The following PHF24 variants were observed in gnomAD, a reference collection of about 807,000 sequenced individuals.
PHF24 encodes the protein PHD finger protein 24.
A neutral mutation model predicts 42.6 loss-of-function variants in PHF24; 25 were observed. The observed-to-expected ratio is 0.59, with a 90% CI of 0.43 to 0.82. The LOEUF (loss-of-function observed/expected upper bound fraction) is 0.82, where lower values mean the gene tolerates loss of function less well. PHF24 is among the 40% of genes least tolerant of loss of function. PHF24 has a pLI of 0.00. For missense variants in PHF24, 470 were observed against 538.1 expected, an observed-to-expected ratio of 0.87 and a Z score of 1.25; for synonymous variants, 185 against 204.8, an observed-to-expected ratio of 0.90 and a Z score of 0.83.
At chr9:34,796,266 A>G in the PHF24 span, among the ~76,000 whole-genome samples, 1 of 152,114 alleles carries the variant, frequency 6.6e-6, no homozygotes, top group East Asian at 1.9e-4. Flanking sequence ...ATATAAAACT[A>G]TAAAACTTTT....
At chr9:34,840,164 A>G in the PHF24 span, among the ~76,000 whole-genome samples, 2 of 152,138 alleles carry the variant, frequency 1.3e-5, no homozygotes, top group East Asian at 3.9e-4. Flanking sequence ...ACTTAGATTA[A>G]TTGATTTTTT....
chr9:34,843,590 T>C, the PHF24 span, among the ~76,000 whole-genome samples: 1 of 152,230 alleles, frequency 6.6e-6, no homozygotes, highest in South Asian at 2.1e-4. Context: ...CGTTTTTCAA[T>C]TTCTGTAGTG....
chr9:34,915,788 T>G, the PHF24 span, among the ~76,000 whole-genome samples: 2 of 152,176 alleles, frequency 1.3e-5, no homozygotes, highest in Non-Finnish European at 2.9e-5. Flanking sequence ...TTCGTCCTCT[T>G]AGGGGTGGTA....
chr9:34,890,982 C>CT, the PHF24 span, among the ~76,000 whole-genome samples: 1 of 152,034 alleles, frequency 6.6e-6, no homozygotes, highest in Admixed American at 6.6e-5. Context: ...GTCAGAGGCT[C>CT]TGATGGGCTC....
At chr9:34,917,685 C>T in the PHF24 span, 1 of 785,138 alleles carries the variant, frequency 1.3e-6, no homozygotes, top group South Asian at 1.3e-5. Flanking sequence ...GCAGACAGAA[C>T]CTATGGCAGG....
the PHF24 span, among the ~76,000 whole-genome samples, chr9:34,879,058 T>C: frequency 7.9e-5 from 12 of 152,222 alleles, no homozygotes; most frequent in Admixed American, 2.0e-4. Flanking sequence ...CAATATTTGC[T>C]GTTCTGCAGC....
At chr9:34,934,124 C>T in the PHF24 span, among the ~76,000 whole-genome samples, 1 of 152,164 alleles carries the variant, frequency 6.6e-6, no homozygotes, top group African/African-American at 2.4e-5. Flanking sequence ...TCCAAGTTCT[C>T]ATTATATAGA....
the PHF24 span, among the ~76,000 whole-genome samples, chr9:34,853,399 T>C: frequency 2.6e-5 from 4 of 152,320 alleles, no homozygotes; most frequent in Non-Finnish European, 2.9e-5. Context: ...TTGACGTTCA[T>C]TGGGGATATT....
chr9:34,862,073 T>C, the PHF24 span, among the ~76,000 whole-genome samples: 9 of 152,058 alleles, frequency 5.9e-5, no homozygotes, highest in Admixed American at 2.6e-4. Flanking sequence ...CCTCACACGG[T>C]GGAAGGGGCA....
chr9:34,896,111 C>T, the PHF24 span, among the ~76,000 whole-genome samples: 6 of 152,044 alleles, frequency 3.9e-5, no homozygotes, highest in East Asian at 9.6e-4. Flanking sequence ...CATATGACAC[C>T]GAGTCTCTAT....
chr9:34,939,494 G>A, the PHF24 span, among the ~76,000 whole-genome samples: 1 of 152,154 alleles, frequency 6.6e-6, no homozygotes, highest in South Asian at 2.1e-4. Flanking sequence ...AAAGAAGAAA[G>A]GTTGGATAGG....
At chr9:34,896,731 C>A in the PHF24 span, among the ~76,000 whole-genome samples, 1 of 152,122 alleles carries the variant, frequency 6.6e-6, no homozygotes, top group Non-Finnish European at 1.5e-5. Flanking sequence ...CTCCTTTGCC[C>A]ACTGATTCTC....
chr9:34,774,357 A>T, the PHF24 span, among the ~76,000 whole-genome samples: 1 of 152,234 alleles, frequency 6.6e-6, no homozygotes, highest in Admixed American at 6.5e-5. Flanking sequence ...CTGATGAGGG[A>T]TTGCTATCCA....
chr9:34,797,489 A>AG, the PHF24 span, among the ~76,000 whole-genome samples: 1 of 152,106 alleles, frequency 6.6e-6, no homozygotes, highest in African/African-American at 2.4e-5. Flanking sequence ...TGGATTGGGA[A>AG]GGTTCTCCCC....
chr9:34,669,751 G>T, the PHF24 span, among the ~76,000 whole-genome samples: 1 of 152,124 alleles, frequency 6.6e-6, no homozygotes, highest in Middle Eastern at 3.4e-3. Flanking sequence ...ACTGCCTTTT[G>T]TCCCTGGCTC....
At chr9:34,943,430 T>C in the PHF24 span, among the ~76,000 whole-genome samples, 1 of 152,198 alleles carries the variant, frequency 6.6e-6, no homozygotes, top group Non-Finnish European at 1.5e-5. Context: ...ATCCACAAAC[T>C]AAGCAGGTCC....
At chr9:34,899,368 A>G in the PHF24 span, among the ~76,000 whole-genome samples, 32 of 152,322 alleles carry the variant, frequency 2.1e-4, no homozygotes, top group Middle Eastern at 3.4e-3. Context: ...GGAACTGTTC[A>G]TGGCTACCAA....
chr9:34,879,244 C>A, the PHF24 span, among the ~76,000 whole-genome samples: 1 of 151,658 alleles, frequency 6.6e-6, no homozygotes, highest in Non-Finnish European at 1.5e-5. Context: ...GATAAAACCA[C>A]AAAGATGGGG....
At chr9:34,759,813 A>G in the PHF24 span, among the ~76,000 whole-genome samples, 2 of 152,252 alleles carry the variant, frequency 1.3e-5, no homozygotes, top group Admixed American at 1.3e-4. Flanking sequence ...ACTCCTCTCC[A>G]GCAACTTGCC....
Sources: allele counts gnomAD v4.1 joint callset (sites outside exome capture counted in the v4.1 genomes callset), GRCh38; gene constraint gnomAD v4.1.1; transcripts MANE v1.5; gene names NCBI Gene and HGNC (gene_info 2026-07-23, HGNC 2026-07-21).